Variants in LRRK2 observed in about 807,000 individuals in gnomAD.
LRRK2 encodes leucine-rich repeat serine/threonine-protein kinase 2.
In LRRK2, 203 loss-of-function variants were observed where a neutral mutation model predicts 302.6. The observed-to-expected ratio is 0.67, with a 90% confidence interval of 0.60 to 0.75. The LOEUF (loss-of-function observed/expected upper bound fraction) is 0.75. LRRK2 is among the 30% of genes least tolerant of loss of function. The pLI, the probability that LRRK2 is intolerant of heterozygous loss-of-function variation, is 0.00. For missense variants in LRRK2, 2,830 were observed against 2,951.0 expected, an observed-to-expected ratio of 0.96 and a Z score of 0.95; for synonymous variants, 1,066 against 1,031.9, an observed-to-expected ratio of 1.03 and a Z score of -0.63.
At chr12:40,346,577 A>G (rs1946196151) in intron 41 of LRRK2, among the ~76,000 whole-genome samples, 176 bp from the exon 42 acceptor site, 1 of 152,168 alleles carries the variant, frequency 6.6e-6, no homozygotes, top group African/African-American at 2.4e-5. Flanking sequence ...GTGAGATGTT[A>G]TGAGACAGGA....
At position 40,320,095 on chromosome 12, in the gene LRRK2, C is replaced by T. The variant is rs1945353644; in HGVS notation, c.4935C>T (p.Tyr1645=). 6 of 1,611,834 alleles carry T rather than the reference C, an allele frequency of 3.7e-6. No individual in the cohort carries two copies. Among genetic ancestry groups the T allele is most frequent in the Non-Finnish European group, 4.2e-6 (5 of 1,178,740 alleles). ...AAAAAAGGAAATTTCCAAAGAACTA[C>T]ATGTCACAGTATTTTAAGCTCCTAG... ...LSKKRKFPKN[Y]MSQYFKLLEK... Residue 1645 remains tyrosine, a synonymous_variant, in exon 34 of 51, where the codon TAC becomes TAT. Coordinates refer to ENST00000298910, the MANE Select transcript of LRRK2 (RefSeq NM_198578.4).
At chr12:40,270,859 C>T (rs1444366101) in intron 14 of LRRK2, among the ~76,000 whole-genome samples, 7 of 151,694 alleles carry the variant, frequency 4.6e-5, no homozygotes, top group Non-Finnish European at 1.0e-4. Flanking sequence ...TTATAAATAC[C>T]AATTTGATAT....
intron 6 of LRRK2, 123 bp downstream of exon 6, chr12:40,240,740 C>A: frequency 1.0e-6 from 1 of 959,892 alleles, no homozygotes. Flanking sequence ...CCCATTCATT[C>A]ATTTATTCAT....
intron 44 of LRRK2, among the ~76,000 whole-genome samples, chr12:40,353,922 G>A (rs1018081453): frequency 1.3e-5 from 2 of 152,208 alleles, no homozygotes; most frequent in Non-Finnish European, 2.9e-5. Context: ...GCAGTGAGCC[G>A]AGATGGCAGC....
chr12:40,264,110 A>G (rs1186564943), intron 14 of LRRK2, among the ~76,000 whole-genome samples: 1 of 152,180 alleles, frequency 6.6e-6, no homozygotes, highest in Non-Finnish European at 1.5e-5. Flanking sequence ...ATTATCAATT[A>G]TAGATGTAGG....
At position 40,321,042 on chromosome 12, in the gene LRRK2, A is replaced by C; in HGVS notation, c.5024A>C (p.Asp1675Ala). 1 of 1,612,652 alleles carries C rather than the reference A, an allele frequency of 6.2e-7. No individual in the cohort carries two copies. The highest frequency in any genetic ancestry group is 8.5e-7 in the Non-Finnish European group (1 of 1,178,876). ...TGTCCTTTTGCCTTTAGTTTGTCTG[A>C]CCACAGGCCTGTGATAGAGCTTCCC... ...EYLLVPSSLS[D>A]HRPVIELPHC... Residue 1675 changes from aspartate to alanine, a missense_variant, in exon 35 of 51, where the codon GAC (aspartate) becomes GCC (alanine). Asp to Ala is a moderately radical substitution (Grantham distance 126). Around this residue, in one of 3 missense-constraint regions of LRRK2, gnomAD observed 2,121 missense variants for 2,148.0 expected, o/e 0.99. Coordinates refer to ENST00000298910, the MANE Select transcript of LRRK2 (RefSeq NM_198578.4).
In LRRK2 at chr12:40,346,845, A is replaced by G; in HGVS notation, c.6202A>G (p.Thr2068Ala). The G allele has an allele frequency of 6.2e-7, 1 of 1,613,908 alleles. No individual in the cohort carries two copies. The highest frequency in any genetic ancestry group is 8.5e-7 in the Non-Finnish European group (1 of 1,179,860). The change falls in exon 42 of 51, where the codon ACA becomes GCA. Residue 2068 changes from threonine to alanine, a missense_variant. Around this residue, in one of 3 missense-constraint regions of LRRK2, gnomAD observed 253 missense variants for 346.7 expected, o/e 0.73. Coordinates refer to ENST00000298910, the MANE Select transcript of LRRK2 (RefSeq NM_198578.4). ...TGGTTTACTACTCTATGACATTTTGACAACTGGAGGTAGAATAGTAGAGGG... is the reference window on the plus strand; with the variant it reads ...TGGTTTACTACTCTATGACATTTTGGCAACTGGAGGTAGAATAGTAGAGGG... ...SFGLLLYDIL[T>A]TGGRIVEGLK...
At chr12:40,327,748 A>AC (rs1344702337) in intron 38 of LRRK2, among the ~76,000 whole-genome samples, 1 of 152,206 alleles carries the variant, frequency 6.6e-6, no homozygotes, top group African/African-American at 2.4e-5. Flanking sequence ...CTCTGAGGCC[A>AC]CCAAATGGGT....
At chr12:40,275,819 C>T (rs191461310) in intron 16 of LRRK2, among the ~76,000 whole-genome samples, 59 of 152,150 alleles carry the variant, frequency 3.9e-4, no homozygotes, top group African/African-American at 1.4e-3. Flanking sequence ...CCATATTTCC[C>T]AGGCTGGTCT....
At chr12:40,356,530 C>G (rs1946545074) in intron 46 of LRRK2, among the ~76,000 whole-genome samples, 1 of 152,066 alleles carries the variant, frequency 6.6e-6, no homozygotes, top group Non-Finnish European at 1.5e-5. Flanking sequence ...TTAAATATGG[C>G]TTGCCATTAA....
chr12:40,333,874 C>A (rs1945789118), intron 39 of LRRK2, among the ~76,000 whole-genome samples: 1 of 151,970 alleles, frequency 6.6e-6, no homozygotes, highest in African/African-American at 2.4e-5. Context: ...AGAAGCTGGG[C>A]ACAGCTTGGG....
At chr12:40,274,107 G>A (rs1043344231) in intron 14 of LRRK2, among the ~76,000 whole-genome samples, 7 of 152,070 alleles carry the variant, frequency 4.6e-5, no homozygotes, top group East Asian at 1.9e-4. Flanking sequence ...ATGAAATAAC[G>A]CATGCAAAGC....
intron 50 of LRRK2, chr12:40,367,364 TTTTGAACAGTG>T: frequency 2.4e-6 from 1 of 414,852 alleles, no homozygotes. Context: ...TAATGTCTAA[TTTTGAACAGTG>T]TTTGAAAAAG....
intron 33 of LRRK2, among the ~76,000 whole-genome samples, chr12:40,319,705 T>G (rs1356550817): frequency 6.6e-6 from 1 of 152,074 alleles, no homozygotes. Flanking sequence ...ATCTTTCCAT[T>G]GTAGCTAGGG....
chr12:40,355,510 T>TCCCCCCCTCCCCCCCC (rs71434315), intron 45 of LRRK2, among the ~76,000 whole-genome samples: 1 of 64,860 alleles, frequency 1.5e-5, no homozygotes, highest in Non-Finnish European at 3.7e-5. Flanking sequence ...CTTCCATCCC[T>TCCCCCCCTCCCCCCCC]CCCTCCCTCC....
intron 45 of LRRK2, 149 bp from the exon 46 acceptor site, chr12:40,355,966 T>C: frequency 1.6e-6 from 1 of 617,474 alleles, no homozygotes. Context: ...ATTCCAAGTC[T>C]TCTAAAGTAA....
In LRRK2 at chr12:40,367,848, G is replaced by A. The variant is rs200854679; in HGVS notation, c.*83G>A. ...TATTTTAAAAATGTTCACATGGAAAGGGTACTCACATTTTTTGAAATAGCT... is the reference window on the plus strand; with the variant it reads ...TATTTTAAAAATGTTCACATGGAAAAGGTACTCACATTTTTTGAAATAGCT... On this transcript the variant is annotated 3_prime_UTR_variant, in exon 51 of 51. Coordinates refer to ENST00000298910, the MANE Select transcript of LRRK2 (RefSeq NM_198578.4). 3 of 1,401,808 alleles carry A rather than the reference G, an allele frequency of 2.1e-6. No homozygotes were observed. Among genetic ancestry groups the A allele is most frequent in the Non-Finnish European group, 1.9e-6 (2 of 1,032,136 alleles). The allele number at this position is 1,401,808 out of a possible 1,614,324, so 86.8% of individuals were successfully genotyped here.
chr12:40,285,810 C>CA (rs201144937), intron 19 of LRRK2, among the ~76,000 whole-genome samples: 45 of 150,514 alleles, frequency 3.0e-4, no homozygotes, highest in Middle Eastern at 3.5e-3. Flanking sequence ...TACTCCGTGG[C>CA]AAAAAAAAGG....
intron 11 of LRRK2, among the ~76,000 whole-genome samples, chr12:40,255,658 T>C (rs1217390645): frequency 6.6e-6 from 1 of 152,178 alleles, no homozygotes; most frequent in Non-Finnish European, 1.5e-5. Flanking sequence ...ACCCTGGAGT[T>C]GAGACCCAGC....
Sources: allele counts gnomAD v4.1 joint callset (sites outside exome capture counted in the v4.1 genomes callset), GRCh38; gene constraint gnomAD v4.1.1; regional missense constraint gnomAD v4.1.1; transcripts MANE v1.5; gene names NCBI Gene and HGNC (gene_info 2026-07-23, HGNC 2026-07-21).